Variants in SIK3 observed in about 807,000 individuals in gnomAD.
The protein encoded by SIK3 is serine/threonine-protein kinase SIK3.
Under a neutral mutation model 144.2 loss-of-function variants are expected in SIK3, and 28 were observed. The observed-to-expected ratio is 0.19, with a 90% CI of 0.14 to 0.27. SIK3 has a LOEUF of 0.27. SIK3 is among the 10% of genes least tolerant of loss of function. The pLI is 1.00. For missense variants in SIK3, 1,319 were observed against 1,776.0 expected, an observed-to-expected ratio of 0.74 and a Z score of 4.62; for synonymous variants, 686 against 676.3, an observed-to-expected ratio of 1.01 and a Z score of -0.22.
At chr11:116,934,240 G>A (rs749210492) in intron 3 of SIK3, among the ~76,000 whole-genome samples, 1 of 152,188 alleles carries the variant, frequency 6.6e-6, no homozygotes, top group Non-Finnish European at 1.5e-5. Context: ...ACAATGAACG[G>A]TATCTGACGC....
intron 6 of SIK3, among the ~76,000 whole-genome samples, chr11:116,880,724 T>C (rs962871225): frequency 2.0e-5 from 3 of 152,020 alleles, no homozygotes; most frequent in Non-Finnish European, 4.4e-5. Context: ...AAGAACACAA[T>C]CACCCACAGG....
At chr11:116,981,090 G>A (rs1193839705) in intron 1 of SIK3, among the ~76,000 whole-genome samples, 4 of 152,068 alleles carry the variant, frequency 2.6e-5, no homozygotes, top group Non-Finnish European at 5.9e-5. Flanking sequence ...CCTGTCAATC[G>A]ATGCATATCA....
chr11:116,938,460 GGAGGA>G (rs773772413), intron 3 of SIK3, among the ~76,000 whole-genome samples: 55 of 6,070 alleles, frequency 9.1e-3, no homozygotes, highest in African/African-American at 0.02. Flanking sequence ...GGAGGGGAGG[GGAGGA>G]GAGGAGAGGA....
chr11:117,022,417 T>G (rs917904969), intron 1 of SIK3, among the ~76,000 whole-genome samples: 5 of 152,170 alleles, frequency 3.3e-5, no homozygotes, highest in Non-Finnish European at 7.4e-5. Flanking sequence ...CCCCATATAA[T>G]TAAAAAAAGA....
intron 14 of SIK3, chr11:116,869,786 A>G: frequency 3.7e-6 from 1 of 268,444 alleles, no homozygotes; most frequent in South Asian, 4.1e-5. Flanking sequence ...GGTTCTGTAA[A>G]CAATGGATAT....
At chr11:117,076,788 G>A (rs866862197) in intron 1 of SIK3, among the ~76,000 whole-genome samples, 1 of 151,908 alleles carries the variant, frequency 6.6e-6, no homozygotes, top group Non-Finnish European at 1.5e-5. Flanking sequence ...TGATCCACCC[G>A]CCTCGGCCTC....
At chr11:117,052,018 T>A (rs1432043617) in intron 1 of SIK3, among the ~76,000 whole-genome samples, 1 of 151,988 alleles carries the variant, frequency 6.6e-6, no homozygotes, top group Non-Finnish European at 1.5e-5. Context: ...GGCAGGCGCC[T>A]GTAATCCCAG....
At chr11:116,962,899 T>C (rs758768418) in intron 1 of SIK3, among the ~76,000 whole-genome samples, 1 of 151,460 alleles carries the variant, frequency 6.6e-6, no homozygotes, top group African/African-American at 2.4e-5. Flanking sequence ...TTTACTTTTT[T>C]AATATGATTA....
intron 3 of SIK3, among the ~76,000 whole-genome samples, chr11:116,934,848 G>A (rs1947822156): frequency 6.6e-6 from 1 of 152,178 alleles, no homozygotes; most frequent in South Asian, 2.1e-4. Flanking sequence ...GGGAGGCAGA[G>A]GTAGGTGGAT....
chr11:116,861,802 C>A (rs777161836), intron 18 of SIK3, 39 bp downstream of exon 18: 2 of 1,399,238 alleles, frequency 1.4e-6, no homozygotes, highest in Non-Finnish European at 2.0e-6. Context: ...ACCAGGCTAT[C>A]GAGACAATGG....
intron 15 of SIK3, among the ~76,000 whole-genome samples, chr11:116,866,089 G>A (rs902166105): frequency 1.3e-5 from 2 of 152,170 alleles, no homozygotes; most frequent in Admixed American, 6.5e-5. Flanking sequence ...CACACAGACA[G>A]AGCTGTGGTC....
chr11:117,095,885 C>G (rs1429186967), intron 1 of SIK3, among the ~76,000 whole-genome samples: 1 of 152,234 alleles, frequency 6.6e-6, no homozygotes, highest in Non-Finnish European at 1.5e-5. Context: ...CAAGCCATTT[C>G]AGTCTCATTC....
At chr11:116,949,574 C>G (rs1225464167) in intron 3 of SIK3, among the ~76,000 whole-genome samples, 1 of 152,168 alleles carries the variant, frequency 6.6e-6, no homozygotes, top group Non-Finnish European at 1.5e-5. Context: ...CCTCCAACTC[C>G]TAGGCTCGAG....
chr11:116,997,876 T>C (rs2135591347), intron 1 of SIK3, among the ~76,000 whole-genome samples: 1 of 152,318 alleles, frequency 6.6e-6, no homozygotes, highest in Middle Eastern at 3.4e-3. Flanking sequence ...ATTTTATTCT[T>C]AGAGATGGGG....
At chr11:117,028,957 T>C (rs1000736609) in intron 1 of SIK3, among the ~76,000 whole-genome samples, 3 of 91,250 alleles carry the variant, frequency 3.3e-5, no homozygotes, top group Non-Finnish European at 6.3e-5. Context: ...GAATCTTGCT[T>C]TGTCACAGTG....
chr11:117,003,398 T>A (rs1281997202), intron 1 of SIK3, among the ~76,000 whole-genome samples: 3 of 152,124 alleles, frequency 2.0e-5, no homozygotes, highest in East Asian at 3.9e-4. Context: ...TTGCTTAACA[T>A]CTTAAAGCAC....
chr11:116,987,836 T>C (rs1950373066), intron 1 of SIK3, among the ~76,000 whole-genome samples: 1 of 152,210 alleles, frequency 6.6e-6, no homozygotes, highest in Non-Finnish European at 1.5e-5. Context: ...AGAATCATTA[T>C]GCAGAGAACA....
intron 1 of SIK3, among the ~76,000 whole-genome samples, chr11:116,991,278 C>T (rs543164663): frequency 1.3e-5 from 2 of 152,156 alleles, no homozygotes; most frequent in African/African-American, 4.8e-5. Context: ...AAAACCCCGT[C>T]TCTATCAAAA....
intron 13 of SIK3, among the ~76,000 whole-genome samples, chr11:116,870,690 T>C (rs943864573): frequency 1.3e-5 from 2 of 152,150 alleles, no homozygotes; most frequent in African/African-American, 2.4e-5. Context: ...TTTACAGACA[T>C]AGACCTTGCC....
Sources: allele counts gnomAD v4.1 joint callset (sites outside exome capture counted in the v4.1 genomes callset), GRCh38; gene constraint gnomAD v4.1.1; transcripts MANE v1.5; gene names NCBI Gene and HGNC (gene_info 2026-07-23, HGNC 2026-07-21).